The following LHFPL3 variants were observed in gnomAD, a reference collection of about 807,000 sequenced individuals.
LHFPL3 encodes the protein LHFPL tetraspan subfamily member 3 protein.
A neutral mutation model predicts 19.3 loss-of-function variants in LHFPL3; 5 were observed. The observed-to-expected ratio is 0.26, with a 90% confidence interval of 0.14 to 0.54. The LOEUF is 0.54. Among genes scored for constraint, LHFPL3 ranks in the 20% least tolerant of loss-of-function variants. The pLI is 0.94. For synonymous variants in LHFPL3, 133 were observed against 126.2 expected (o/e 1.05, Z -0.36); for missense variants, 249 against 307.4 (o/e 0.81, Z 1.42).
At chr7:104,679,344 A>G (rs73181851) in intron 1 of LHFPL3, among the ~76,000 whole-genome samples, 2,076 of 152,346 alleles carry the variant, frequency 0.014, 24 homozygotes, top group Non-Finnish European at 0.023. Flanking sequence ...CTGAAGCTGC[A>G]ATGTCTTTTA....
At chr7:104,330,669 C>T (rs1423917767) in intron 1 of LHFPL3, among the ~76,000 whole-genome samples, 1 of 152,146 alleles carries the variant, frequency 6.6e-6, no homozygotes, top group Non-Finnish European at 1.5e-5. Context: ...GAGACTCCCT[C>T]CTTTACACAT....
intron 1 of LHFPL3, among the ~76,000 whole-genome samples, chr7:104,666,170 T>A (rs1328399190): frequency 6.6e-6 from 1 of 152,192 alleles, no homozygotes; most frequent in African/African-American, 2.4e-5. Flanking sequence ...CATTTCTGTG[T>A]TGGGGAACAT....
intron 1 of LHFPL3, among the ~76,000 whole-genome samples, chr7:104,557,985 A>G (rs867525087): frequency 6.6e-6 from 1 of 150,640 alleles, no homozygotes; most frequent in South Asian, 2.1e-4. Context: ...AATTTCATCC[A>G]TGTCCCTACA....
At chr7:104,886,272 G>A (rs1390991957) in intron 2 of LHFPL3, among the ~76,000 whole-genome samples, 3 of 152,186 alleles carry the variant, frequency 2.0e-5, no homozygotes, top group Non-Finnish European at 2.9e-5. Context: ...GGAGGAAAAT[G>A]AAGAAAAAGT....
At chr7:104,612,752 C>T (rs565902361) in intron 1 of LHFPL3, among the ~76,000 whole-genome samples, 6 of 152,260 alleles carry the variant, frequency 3.9e-5, no homozygotes, top group Admixed American at 1.3e-4. Flanking sequence ...CTGTGAAGGA[C>T]GATGACACTA....
intron 2 of LHFPL3, among the ~76,000 whole-genome samples, chr7:104,901,440 G>C (rs985359813): frequency 1.3e-5 from 2 of 152,186 alleles, no homozygotes; most frequent in Non-Finnish European, 1.5e-5. Context: ...TGGTCGCAGT[G>C]TCTAAGTAAC....
chr7:104,427,622 A>G (rs1404359634), intron 1 of LHFPL3, among the ~76,000 whole-genome samples: 1 of 152,192 alleles, frequency 6.6e-6, no homozygotes, highest in Non-Finnish European at 1.5e-5. Context: ...TTGTATTGCC[A>G]CAGCCTGGCT....
chr7:104,496,814 T>C (rs1793492391), intron 1 of LHFPL3, among the ~76,000 whole-genome samples: 1 of 152,224 alleles, frequency 6.6e-6, no homozygotes, highest in Non-Finnish European at 1.5e-5. Context: ...AGCACTGCAC[T>C]TCCTGTGCTT....
chr7:104,853,793 G>A (rs1003363091), intron 2 of LHFPL3, among the ~76,000 whole-genome samples: 2 of 152,128 alleles, frequency 1.3e-5, no homozygotes, highest in Non-Finnish European at 2.9e-5. Flanking sequence ...CCTATCTGCA[G>A]CCTAGTTCCA....
intron 1 of LHFPL3, among the ~76,000 whole-genome samples, chr7:104,502,240 G>C (rs1037833887): frequency 1.3e-5 from 2 of 152,110 alleles, no homozygotes; most frequent in African/African-American, 4.8e-5. Flanking sequence ...AATGCAACTT[G>C]CTTGCTAACA....
intron 1 of LHFPL3, among the ~76,000 whole-genome samples, chr7:104,573,048 T>C (rs1790257025): frequency 6.6e-6 from 1 of 152,238 alleles, no homozygotes; most frequent in Non-Finnish European, 1.5e-5. Flanking sequence ...TGATATCCAT[T>C]TTTCATTAAA....
intron 1 of LHFPL3, among the ~76,000 whole-genome samples, chr7:104,429,384 T>C (rs905365421): frequency 7.0e-6 from 1 of 143,738 alleles, no homozygotes; most frequent in African/African-American, 2.6e-5. Flanking sequence ...CTTGGCTCAC[T>C]GCAACCTCCT....
chr7:104,416,719 A>T (rs1050995572), intron 1 of LHFPL3, among the ~76,000 whole-genome samples: 2 of 152,252 alleles, frequency 1.3e-5, no homozygotes, highest in East Asian at 1.9e-4. Context: ...TATAATTATG[A>T]GTATTAAAGT....
chr7:104,462,765 G>A (rs1584336601), intron 1 of LHFPL3, among the ~76,000 whole-genome samples: 1 of 152,128 alleles, frequency 6.6e-6, no homozygotes, highest in African/African-American at 2.4e-5. Context: ...GAATGAGTTT[G>A]GGAGGAGTCC....
intron 1 of LHFPL3, among the ~76,000 whole-genome samples, chr7:104,654,790 AATCCT>A (rs1792093480): frequency 6.6e-6 from 1 of 152,102 alleles, no homozygotes. Context: ...TTTCAATTAT[AATCCT>A]ATGAACCCCA....
chr7:104,893,503 C>T (rs1289124231), intron 2 of LHFPL3, among the ~76,000 whole-genome samples: 3 of 151,230 alleles, frequency 2.0e-5, no homozygotes, highest in Non-Finnish European at 4.4e-5. Flanking sequence ...GCCTGGGTGA[C>T]AGAGCAAGGC....
chr7:104,771,665 A>G (rs1212852090), intron 2 of LHFPL3, among the ~76,000 whole-genome samples: 1 of 152,058 alleles, frequency 6.6e-6, no homozygotes, highest in Non-Finnish European at 1.5e-5. Context: ...TCGCTAATAA[A>G]TACTGCTCAC....
intron 2 of LHFPL3, among the ~76,000 whole-genome samples, chr7:104,882,005 A>G (rs943613907): frequency 3.3e-5 from 5 of 152,228 alleles, no homozygotes; most frequent in Non-Finnish European, 7.3e-5. Flanking sequence ...TGCTATAAAC[A>G]TAGCTTTTGC....
intron 1 of LHFPL3, among the ~76,000 whole-genome samples, chr7:104,429,959 G>C (rs1185363753): frequency 6.6e-6 from 1 of 152,076 alleles, no homozygotes; most frequent in Non-Finnish European, 1.5e-5. Flanking sequence ...CAAGTTTCTT[G>C]TTCTAGTGGA....
Sources: gnomAD v4.1 joint callset for allele counts (sites outside exome capture counted in the v4.1 genomes callset) on GRCh38, gnomAD v4.1.1 for gene constraint, MANE v1.5 for transcripts, NCBI Gene and HGNC (gene_info 2026-07-23, HGNC 2026-07-21) for gene names.